SYNE1: variants seen among roughly 807,000 people sequenced by gnomAD.
The protein encoded by SYNE1 is spectrin repeat containing nuclear envelope protein 1.
Under a neutral mutation model 1,111.0 loss-of-function variants are expected in SYNE1, and 616 were observed. The ratio of observed to expected loss-of-function variants is 0.55; its 90% CI spans 0.52 to 0.59. The LOEUF (loss-of-function observed/expected upper bound fraction) is 0.59. Among genes scored for constraint, SYNE1 ranks in the 20% least tolerant of loss-of-function variants. The probability of loss-of-function intolerance (pLI) is 0.00; values close to 1 mark genes in which losing one functional copy is unlikely to be tolerated. For synonymous variants in SYNE1, 3,855 were observed against 3,825.8 expected, an observed-to-expected ratio of 1.01 and a Z score of -0.28; for missense variants, 10,006 against 10,417.0, an observed-to-expected ratio of 0.96 and a Z score of 1.72.
intron 11 of SYNE1, among the ~76,000 whole-genome samples, chr6:152,498,141 A>T (rs2099009869): frequency 6.6e-6 from 1 of 152,236 alleles, no homozygotes; most frequent in Admixed American, 6.5e-5. Context: ...CCTGTGGCCT[A>T]GATGGAACAT....
In SYNE1 at chr6:152,564,330, G is replaced by T. The variant is rs139743924; in HGVS notation, c.68-24309C>A. ...TTTTTGTTTGTTGTGGTTTGGTTTT[G>T]GTTTGAGACAGGGTCTCACTCTGTC... On this transcript the variant is annotated intron_variant, in intron 3 of 145. Coordinates refer to ENST00000367255, the MANE Select transcript of SYNE1 (RefSeq NM_182961.4). Among the ~76,000 whole-genome samples the T allele has an allele frequency of 5.6e-3, 849 of 152,134 alleles. 8 individuals are homozygous for T. Among genetic ancestry groups the T allele is most frequent in the African/African-American group, 0.018 (764 of 41,512 alleles).
rs556264365 is a variant in SYNE1, at chr6:152,620,568, TG to T, written c.67+7696del. ...TTTTTCTTTATTTCAAAACTAAAAG[TG>T]AGAGGACCAAGTTTAATTTTTTTCT... On this transcript the variant is annotated intron_variant, in intron 3 of 145. Transcript: ENST00000367255. 1.6e-3 allele frequency among the ~76,000 whole-genome samples: 241 copies of T among 152,272 alleles called. 1 individual carries two copies. The highest frequency in any genetic ancestry group is 5.6e-3 in the African/African-American group (234 of 41,550).
chr6:152,202,371 C>CAAAAA (rs11350427), intron 126 of SYNE1, among the ~76,000 whole-genome samples: 4 of 111,012 alleles, frequency 3.6e-5, no homozygotes, highest in African/African-American at 3.2e-5. Context: ...AAAAAAAAAG[C>CAAAAA]AAAAAAAAAA....
At chr6:152,168,230 C>T (rs1191361923) in intron 130 of SYNE1, 2 of 740,686 alleles carry the variant, frequency 2.7e-6, no homozygotes, top group African/African-American at 3.4e-5. Flanking sequence ...AAAAGTTAGA[C>T]TCTGCAGAGC....
At position 152,132,283 on chromosome 6, in the gene SYNE1, G is replaced by A. The variant is rs150419138; in HGVS notation, c.26002-69C>T. ...CCATGGGGGCCCTCTGTTGCACCAC[G>A]TTATCTCCCACTCCATCTCCATCCA... On this transcript the variant is annotated intron_variant, in intron 143 of 145. Transcript: ENST00000367255. 5.3e-5 allele frequency: 67 copies of A among 1,271,388 alleles called. No individual in the cohort carries two copies. In the African/African-American group the frequency reaches 7.1e-4, roughly 13 times the overall value. The allele number at this position is 1,271,388 out of a possible 1,614,324, so 78.8% of individuals were successfully genotyped here. A position where few individuals can be genotyped will look rare whatever the true frequency, so the allele number is the denominator to read the frequency against.
intron 91 of SYNE1, among the ~76,000 whole-genome samples, chr6:152,304,186 G>C (rs771689310): frequency 6.6e-6 from 1 of 152,146 alleles, no homozygotes; most frequent in Non-Finnish European, 1.5e-5. Context: ...TGGCTAGCAC[G>C]TGGGTACTCA....
rs376480815 is a variant in SYNE1 at position 152,502,741 on chromosome 6, G to A, written c.780C>T (p.Asp260=). 33 of 1,607,144 alleles carry A rather than the reference G, an allele frequency of 2.1e-5. No individual in the cohort carries two copies. Among genetic ancestry groups the A allele is most frequent in the African/African-American group, 1.1e-4 (8 of 74,846 alleles). Residue 260 remains aspartate, a splice_region_variant and synonymous_variant, in exon 10 of 146, where the codon GAC becomes GAT. Coordinates refer to ENST00000367255, the MANE Select transcript of SYNE1 (RefSeq NM_182961.4). ...LGIPRLLDPE[D]VDVDKPDEKS... is the part of the protein sequence containing the mutation. The stretch of plus-strand genomic sequence containing the variant: ...TCTCATCTGGTTTATCCACATCAAC[G>A]TCTGAAAAAACAAAAAAGAAATGTG...
At chr6:152,255,357 G>T (rs2090555624) in intron 103 of SYNE1, among the ~76,000 whole-genome samples, 1 of 152,188 alleles carries the variant, frequency 6.6e-6, no homozygotes, top group Non-Finnish European at 1.5e-5. Flanking sequence ...GTATTTGGAA[G>T]ATTTGTGATA....
rs534116497 is a variant in SYNE1, at chr6:152,132,338, C to T, written c.26002-124G>A. 17 of 865,478 alleles carry T rather than the reference C, an allele frequency of 2.0e-5. No individual in the cohort carries two copies. In the African/African-American group the frequency reaches 2.1e-4, roughly 11 times the overall value. The allele number at this position is 865,478 out of a possible 1,614,324, so 53.6% of individuals were successfully genotyped here. A position where few individuals can be genotyped will look rare whatever the true frequency, so the allele number is the denominator to read the frequency against. On this transcript the variant is annotated intron_variant, in intron 143 of 145. Transcript: ENST00000367255. ...CATGTCTCCACCATAAAAATCAAAC[C>T]ATTCCTTGGGGAAAATGGAACCAGA...
chr6:152,462,561 C>G, intron 20 of SYNE1, 177 bp downstream of exon 20: 2 of 674,834 alleles, frequency 3.0e-6, no homozygotes, highest in Non-Finnish European at 5.0e-6. Context: ...ATGATCAAGT[C>G]ATGTCTTTTT....
chr6:152,180,116 A>T lies in SYNE1; in HGVS notation c.23460+20T>A, dbSNP rs942140057. 11 of 1,613,748 alleles carry T rather than the reference A, an allele frequency of 6.8e-6. No individual in the cohort carries two copies. Among genetic ancestry groups the T allele is most frequent in the Non-Finnish European group, 8.5e-6 (10 of 1,179,864 alleles). ...AAGCCTTATGAAGAATGAAAACCTAAGTAGCCATGCATTCCATACCTTCTT... is the reference window on the plus strand; with the variant it reads ...AAGCCTTATGAAGAATGAAAACCTATGTAGCCATGCATTCCATACCTTCTT... On this transcript the variant is annotated intron_variant, in intron 129 of 145. Coordinates refer to ENST00000367255, the MANE Select transcript of SYNE1 (RefSeq NM_182961.4).
chr6:152,179,610 T>C (rs1404053882), intron 129 of SYNE1: 1 of 147,994 alleles, frequency 6.8e-6, no homozygotes, highest in Admixed American at 6.8e-5. Flanking sequence ...AAATTGCAAG[T>C]ATTCTATATA....
intron 98 of SYNE1, among the ~76,000 whole-genome samples, chr6:152,276,030 C>CTTTTTTTT (rs749642435): frequency 1.2e-5 from 1 of 84,014 alleles, no homozygotes; most frequent in Non-Finnish European, 2.3e-5. Flanking sequence ...TTCTCGACTT[C>CTTTTTTTT]TTTTTTTTTT....
intron 39 of SYNE1, among the ~76,000 whole-genome samples, chr6:152,422,468 C>T (rs2098278982): frequency 6.6e-6 from 1 of 151,912 alleles, no homozygotes; most frequent in Non-Finnish European, 1.5e-5. Flanking sequence ...TTTGCTTTTC[C>T]ACTCCTTTGT....
At chr6:152,517,268 G>A (rs1455041712) in intron 6 of SYNE1, among the ~76,000 whole-genome samples, 1 of 152,180 alleles carries the variant, frequency 6.6e-6, no homozygotes, top group Non-Finnish European at 1.5e-5. Context: ...AAACTGAGAA[G>A]GAAATAACTG....
chr6:152,159,103 C>A (rs576401103), intron 131 of SYNE1, among the ~76,000 whole-genome samples: 164 of 152,206 alleles, frequency 1.1e-3, no homozygotes, highest in Non-Finnish European at 1.8e-3. Context: ...AGGCGCGCAC[C>A]ACCATGCCCA....
At chr6:152,434,449 A>G (rs541400475) in intron 33 of SYNE1, 1 of 154,840 alleles carries the variant, frequency 6.5e-6, no homozygotes, top group African/African-American at 2.4e-5. Flanking sequence ...TCTCAATCCC[A>G]TGCTGCCGGG....
At position 152,376,364 on chromosome 6, in the gene SYNE1, A is replaced by G; in HGVS notation, c.9324+17T>C. On this transcript the variant is annotated intron_variant, in intron 58 of 145. Transcript: ENST00000367255. The stretch of plus-strand genomic sequence containing the variant: ...CACATCAGCACTGCTACTAGAATTA[A>G]TTGATAACACCCTTACCTGTATTTT... The G allele has an allele frequency of 1.2e-6, 2 of 1,613,632 alleles. No individual in the cohort carries two copies. Among genetic ancestry groups the G allele is most frequent in the Non-Finnish European group, 1.7e-6 (2 of 1,179,630 alleles).
At chr6:152,202,656 A>C (rs921475773) in intron 126 of SYNE1, among the ~76,000 whole-genome samples, 7 of 152,222 alleles carry the variant, frequency 4.6e-5, no homozygotes, top group Non-Finnish European at 1.0e-4. Context: ...CAAGAATGTT[A>C]TCTGAATCCA....
Sources: gnomAD v4.1 joint callset for allele counts (sites outside exome capture counted in the v4.1 genomes callset) on GRCh38, gnomAD v4.1.1 for gene constraint, MANE v1.5 for transcripts, NCBI Gene and HGNC (gene_info 2026-07-23, HGNC 2026-07-21) for gene names.